Variants in GPRC5C observed in about 807,000 individuals in gnomAD.
The protein encoded by GPRC5C is G protein-coupled receptor family C group 5 member C.
GPRC5C carries 22 observed loss-of-function variants against 31.4 expected under a neutral mutation model. The observed-to-expected ratio is 0.70, with a 90% CI of 0.50 to 1.00. GPRC5C has a LOEUF of 1.00. Ranked by LOEUF, GPRC5C falls within the 50% of genes least tolerant of loss-of-function variation. The pLI, the probability that GPRC5C is intolerant of heterozygous loss-of-function variation, is 0.00. For synonymous variants in GPRC5C, 249 were observed against 257.5 expected, an observed-to-expected ratio of 0.97 and a Z score of 0.32; for missense variants, 557 against 597.2, an observed-to-expected ratio of 0.93 and a Z score of 0.70.
intron 3 of GPRC5C, among the ~76,000 whole-genome samples, chr17:74,444,839 C>T (rs563018325): frequency 1.6e-4 from 24 of 152,264 alleles, no homozygotes; most frequent in African/African-American, 5.8e-4. Context: ...CTCCCCAGCG[C>T]GTTTGGAGTC....
downstream of GPRC5C, chr17:74,448,777 G>A: frequency 4.1e-6 from 3 of 737,170 alleles, no homozygotes; most frequent in Non-Finnish European, 6.2e-6. Context: ...GTACCATTTT[G>A]GGGTGAGACA....
chr17:74,449,507 T>C, downstream of GPRC5C: 1 of 427,464 alleles, frequency 2.3e-6, no homozygotes, highest in Non-Finnish European at 4.4e-6. Flanking sequence ...GTGGACCGAG[T>C]GGGCCCCCGT....
rs1323631646 is a variant in GPRC5C at position 74,443,825 on chromosome 17, G to A, written c.1059G>A (p.Arg353=). Residue 353 remains arginine, a synonymous_variant, in exon 3 of 4, where the codon AGG becomes AGA. Transcript: ENST00000392627. ...FSMDEPVAAK[R]PVSPYSGYNG... is the part of the protein sequence containing the mutation. The stretch of plus-strand genomic sequence containing the variant: ...TCCTGCTTTTCCTTGTAGCTAAGAG[G>A]CCGGTGTCACCATACAGCGGGTACA... 6.2e-7 allele frequency: 1 copy of A among 1,610,570 alleles called. No individual in the cohort carries two copies. Among genetic ancestry groups the A allele is most frequent in the East Asian group, 2.2e-5 (1 of 44,862 alleles).
intron 1 of GPRC5C, chr17:74,433,734 C>T (rs376064874): frequency 5.6e-6 from 9 of 1,613,686 alleles, no homozygotes; most frequent in Non-Finnish European, 7.6e-6. Flanking sequence ...TCACAGCACC[C>T]TTGAAGACAG....
intron 1 of GPRC5C, among the ~76,000 whole-genome samples, chr17:74,437,076 T>A (rs1336464089): frequency 6.6e-6 from 1 of 152,178 alleles, no homozygotes; most frequent in Non-Finnish European, 1.5e-5. Context: ...CCTGAGTAGC[T>A]GGGATTACAG....
At chr17:74,448,687 C>A (rs1485796233), downstream of GPRC5C, 1 of 420,032 alleles carries the variant, frequency 2.4e-6, no homozygotes, top group Admixed American at 2.6e-5. Context: ...CCCATCAGCT[C>A]ATTTTAATCC....
rs541667604 is a variant in GPRC5C, at chr17:74,442,996, C to G, written c.1052-822C>G. On this transcript the variant is annotated intron_variant, in intron 2 of 3. Coordinates refer to ENST00000392627, the MANE Select transcript of GPRC5C (RefSeq NM_022036.4). ...TTTTTTTTTTTCTAAATGGAAAAATCAATAGAGTGAGCCCAGCCCCAGCAC... is the reference window on the plus strand; with the variant it reads ...TTTTTTTTTTTCTAAATGGAAAAATGAATAGAGTGAGCCCAGCCCCAGCAC... 10 of 151,986 alleles carry G rather than the reference C, an allele frequency of 6.6e-5. 1 individual carries two copies. The highest frequency in any genetic ancestry group is 2.4e-4 in the African/African-American group (10 of 41,470). The allele number at this position is 151,986 out of a possible 1,614,324, so 9.4% of individuals were successfully genotyped here. A position where few individuals can be genotyped will look rare whatever the true frequency, so the allele number is the denominator to read the frequency against.
intron 3 of GPRC5C, among the ~76,000 whole-genome samples, chr17:74,444,971 C>G (rs1486617582): frequency 6.6e-6 from 1 of 152,126 alleles, no homozygotes; most frequent in East Asian, 1.9e-4. Context: ...AAATGGGGGC[C>G]AGGCACAATG....
At chr17:74,432,846 C>T (rs2144397844) in intron 1 of GPRC5C, among the ~76,000 whole-genome samples, 1 of 152,130 alleles carries the variant, frequency 6.6e-6, no homozygotes, top group Non-Finnish European at 1.5e-5. Context: ...CCGCCTGCTA[C>T]TGTGGATGTG....
chr17:74,432,325 G>A, intron 1 of GPRC5C, 184 bp downstream of exon 1: 1 of 1,432,246 alleles, frequency 7.0e-7, no homozygotes, highest in Non-Finnish European at 9.1e-7. Flanking sequence ...GCGAGAGCGA[G>A]CAACCCAGCG....
At chr17:74,445,290 G>A in intron 3 of GPRC5C, 1 of 152,506 alleles carries the variant, frequency 6.6e-6, no homozygotes, top group Non-Finnish European at 1.5e-5. Flanking sequence ...AAGTGCAGAT[G>A]GGGCGGGGCC....
At chr17:74,439,216 T>C (rs1366115444) in intron 1 of GPRC5C, among the ~76,000 whole-genome samples, 1 of 152,218 alleles carries the variant, frequency 6.6e-6, no homozygotes, top group Non-Finnish European at 1.5e-5. Context: ...TTTTCCTGGC[T>C]GTTGGTTATG....
At chr17:74,436,150 C>T (rs1423574955) in intron 1 of GPRC5C, among the ~76,000 whole-genome samples, 2 of 152,218 alleles carry the variant, frequency 1.3e-5, no homozygotes, top group Admixed American at 6.5e-5. Flanking sequence ...GTAGCATTTC[C>T]AATGTGTCAG....
intron 1 of GPRC5C, among the ~76,000 whole-genome samples, chr17:74,433,203 G>C (rs2055381589): frequency 6.6e-6 from 1 of 152,148 alleles, no homozygotes; most frequent in Non-Finnish European, 1.5e-5. Flanking sequence ...GTTGGAAGTA[G>C]GGTTTTGTGC....
chr17:74,434,347 A>G (rs80119875), intron 1 of GPRC5C, among the ~76,000 whole-genome samples: 272 of 152,266 alleles, frequency 1.8e-3, no homozygotes, highest in African/African-American at 6.3e-3. Context: ...GTGTGGAGAA[A>G]TGCACCTGGG....
chr17:74,443,694 G>A, intron 2 of GPRC5C, 124 bp from the exon 3 acceptor site: 1 of 813,666 alleles, frequency 1.2e-6, no homozygotes, highest in Non-Finnish European at 2.2e-6. Context: ...TAGAGACTAT[G>A]CCAGGGTTGG....
downstream of GPRC5C, among the ~76,000 whole-genome samples, chr17:74,448,464 G>A (rs1443830528): frequency 2.6e-5 from 4 of 152,008 alleles, no homozygotes; most frequent in Non-Finnish European, 4.4e-5. Context: ...TGCAACCTCC[G>A]CCTCCCAGGT....
At chr17:74,438,844 G>T (rs574219837) in intron 1 of GPRC5C, among the ~76,000 whole-genome samples, 1 of 152,306 alleles carries the variant, frequency 6.6e-6, no homozygotes, top group East Asian at 1.9e-4. Context: ...TTGGTATTGG[G>T]AGCAGGAGTT....
intron 2 of GPRC5C, 145 bp from the exon 3 acceptor site, chr17:74,443,673 C>T (rs1210497992): frequency 1.3e-6 from 1 of 747,894 alleles, no homozygotes; most frequent in African/African-American, 1.7e-5. Context: ...CCAAGTTGGC[C>T]ACTCCTGGGT....
Sources: gnomAD v4.1 joint callset for allele counts (sites outside exome capture counted in the v4.1 genomes callset) on GRCh38, gnomAD v4.1.1 for gene constraint, MANE v1.5 for transcripts, NCBI Gene and HGNC (gene_info 2026-07-23, HGNC 2026-07-21) for gene names.